The following PDXDC1 variants were observed in gnomAD, a reference collection of about 807,000 sequenced individuals.
PDXDC1 encodes the protein pyridoxal-dependent decarboxylase domain-containing protein 1.
PDXDC1 carries 42 observed loss-of-function variants against 100.1 expected under a neutral mutation model. That is an observed-to-expected ratio of 0.42 (90% CI 0.33 to 0.54). The LOEUF (loss-of-function observed/expected upper bound fraction) is 0.54, where lower values mean the gene tolerates loss of function less well. Ranked by LOEUF, PDXDC1 falls within the 20% of genes least tolerant of loss-of-function variation. The pLI, the probability that PDXDC1 is intolerant of heterozygous loss-of-function variation, is 0.10. For missense variants in PDXDC1, 636 were observed against 979.2 expected, an observed-to-expected ratio of 0.65 and a Z score of 4.68; for synonymous variants, 260 against 371.7, an observed-to-expected ratio of 0.70 and a Z score of 3.46.
At chr16:14,987,992 CTTT>C (rs58211541) in intron 1 of PDXDC1, among the ~76,000 whole-genome samples, 579 of 134,584 alleles carry the variant, frequency 4.3e-3, no homozygotes, top group African/African-American at 4.6e-3. Context: ...TTATACAATT[CTTT>C]TTTTTTTTTT....
chr16:15,013,348 C>CAAAAA (rs1310266362), intron 8 of PDXDC1, among the ~76,000 whole-genome samples: 20 of 111,784 alleles, frequency 1.8e-4, no homozygotes, highest in East Asian at 3.6e-4. Flanking sequence ...GACCCTATCT[C>CAAAAA]AAAAAAAAAA....
intron 16 of PDXDC1, among the ~76,000 whole-genome samples, chr16:15,129,609 G>A (rs1405537290): frequency 1.3e-5 from 2 of 152,352 alleles, no homozygotes; most frequent in East Asian, 1.9e-4. Context: ...CAGTGGTAGC[G>A]ATGCTCATGT....
intron 16 of PDXDC1, chr16:15,084,765 G>A: frequency 8.3e-7 from 1 of 1,201,090 alleles, no homozygotes; most frequent in Non-Finnish European, 1.2e-6. Context: ...CGACACGCTT[G>A]AAGCTAAAAA....
At chr16:15,104,931 C>T (rs930617294) in intron 16 of PDXDC1, among the ~76,000 whole-genome samples, 2 of 152,034 alleles carry the variant, frequency 1.3e-5, no homozygotes, top group African/African-American at 4.8e-5. Flanking sequence ...TGAGTACTGC[C>T]GACAGCTGGG....
chr16:15,052,941 C>T (rs2044354990), intron 16 of PDXDC1, among the ~76,000 whole-genome samples: 2 of 152,134 alleles, frequency 1.3e-5, no homozygotes, highest in Admixed American at 1.3e-4. Context: ...TTACCGAGTA[C>T]CCAGTGACTG....
At chr16:15,108,321 G>A in intron 16 of PDXDC1, 1 of 889,196 alleles carries the variant, frequency 1.1e-6, no homozygotes, top group Non-Finnish European at 1.3e-6. Context: ...AGAACGCTAG[G>A]AAACAGGGAC....
intron 12 of PDXDC1, among the ~76,000 whole-genome samples, chr16:15,021,737 C>G (rs1347120066): frequency 6.6e-6 from 1 of 152,286 alleles, no homozygotes; most frequent in Admixed American, 6.5e-5. Flanking sequence ...ATTTAGCAGA[C>G]ATGGTGATCT....
intron 16 of PDXDC1, among the ~76,000 whole-genome samples, chr16:15,073,372 G>A (rs76056577): frequency 2.2e-4 from 34 of 152,270 alleles, no homozygotes; most frequent in Middle Eastern, 3.4e-3. Context: ...CGGATGAACC[G>A]CTTGAGCCCA....
intron 19 of PDXDC1, 70 bp from the exon 20 acceptor site, chr16:15,034,214 CTG>C (rs1324175562): frequency 2.3e-6 from 3 of 1,304,106 alleles, no homozygotes; most frequent in East Asian, 4.7e-5. Context: ...TCCCTCAGTG[CTG>C]TGTTACTAGC....
intron 16 of PDXDC1, among the ~76,000 whole-genome samples, chr16:15,111,747 ACTC>A (rs2047075736): frequency 1.1e-5 from 1 of 87,752 alleles, no homozygotes; most frequent in Non-Finnish European, 2.2e-5. Context: ...ACAGAGTGAG[ACTC>A]CGTCTCAAAA....
At position 15,034,385 on chromosome 16, in the gene PDXDC1, C is replaced by A. The variant is rs376962181; in HGVS notation, c.1905+7C>A. 2.5e-6 allele frequency: 4 copies of A among 1,613,250 alleles called. No homozygotes were observed. The highest frequency in any genetic ancestry group is 4.5e-5 in the East Asian group (2 of 44,896). On this transcript the variant is annotated splice_region_variant and intron_variant, in intron 20 of 22. Transcript: ENST00000396410. ...AGAACGGCTTCTGGAAGAGGTGAGG[C>A]CCCCGATGGGCAGCAGGCTGGGGGA...
chr16:15,148,900 G>C, the PDXDC1 span, among the ~76,000 whole-genome samples: 1 of 152,132 alleles, frequency 6.6e-6, no homozygotes, highest in Non-Finnish European at 1.5e-5. Context: ...ACAGGAGTGA[G>C]CGTGTGACTT....
At chr16:15,051,286 A>C (rs994388866) in intron 16 of PDXDC1, among the ~76,000 whole-genome samples, 1 of 152,268 alleles carries the variant, frequency 6.6e-6, no homozygotes, top group African/African-American at 2.4e-5. Context: ...GATTTCCCAA[A>C]GAAATAAAAG....
chr16:15,089,609 G>A (rs1367895956), intron 16 of PDXDC1, among the ~76,000 whole-genome samples: 2 of 151,066 alleles, frequency 1.3e-5, no homozygotes, highest in African/African-American at 4.9e-5. Flanking sequence ...GACCATCCTG[G>A]CTAACATGGT....
intron 16 of PDXDC1, chr16:15,071,179 G>A: frequency 6.2e-7 from 1 of 1,611,118 alleles, no homozygotes; most frequent in Non-Finnish European, 8.5e-7. Flanking sequence ...CCAGCAGCCT[G>A]CCTGATGATG....
At chr16:15,048,248 G>A (rs1047212487) in intron 16 of PDXDC1, 24 of 614,268 alleles carry the variant, frequency 3.9e-5, no homozygotes, top group Middle Eastern at 4.3e-4. Flanking sequence ...CAAAGAAAAA[G>A]GCAGCAGCCA....
intron 16 of PDXDC1, among the ~76,000 whole-genome samples, chr16:15,112,063 A>T (rs573607996): frequency 4.1e-5 from 6 of 147,760 alleles, no homozygotes; most frequent in African/African-American, 1.5e-4. Context: ...TACGCAAAAC[A>T]TTCTCACTAA....
intron 16 of PDXDC1, chr16:15,128,062 C>T: frequency 6.2e-7 from 1 of 1,608,196 alleles, no homozygotes; most frequent in Non-Finnish European, 8.5e-7. Context: ...AGTCATTGAC[C>T]AGGAAGAAGG....
chr16:15,060,106 T>C (rs752641001), intron 16 of PDXDC1: 8 of 342,878 alleles, frequency 2.3e-5, no homozygotes, highest in South Asian at 4.8e-5. Flanking sequence ...ATTTTCACCA[T>C]GGATTTTTTT....
Sources: gnomAD v4.1 joint callset for allele counts (sites outside exome capture counted in the v4.1 genomes callset) on GRCh38, gnomAD v4.1.1 for gene constraint, MANE v1.5 for transcripts, NCBI Gene and HGNC (gene_info 2026-07-23, HGNC 2026-07-21) for gene names.